The following FBXO8 variants were observed in gnomAD, a reference collection of about 807,000 sequenced individuals.
FBXO8 encodes F-box protein 8.
FBXO8 carries 15 observed loss-of-function variants against 33.4 expected under a neutral mutation model. The observed-to-expected ratio is 0.45, with a 90% CI of 0.30 to 0.69. The LOEUF is 0.69. Ranked by LOEUF, FBXO8 falls within the 30% of genes least tolerant of loss-of-function variation. The probability of loss-of-function intolerance (pLI) is 0.08; values close to 1 mark genes in which losing one functional copy is unlikely to be tolerated. For synonymous variants in FBXO8, 132 were observed against 131.5 expected (o/e 1.00, Z -0.02); for missense variants, 274 against 380.3 (o/e 0.72, Z 2.32).
rs538006793 is a variant in FBXO8 at position 174,268,716 on chromosome 4, G to A, written c.-8-5616C>T. Among the ~76,000 whole-genome samples the A allele has an allele frequency of 2.5e-3, 375 of 152,302 alleles. 1 individual carries two copies. Among genetic ancestry groups the A allele is most frequent in the Middle Eastern group, 3.4e-3 (1 of 294 alleles). On this transcript the variant is annotated intron_variant, in intron 1 of 5. Transcript: ENST00000393674. Reference sequence around the variant, plus strand: ...CTCCCAAAGTGCTGGGATTACAGGCGTGAGCCACCGCGCCCGGCCGGGGGC... The same window carrying A: ...CTCCCAAAGTGCTGGGATTACAGGCATGAGCCACCGCGCCCGGCCGGGGGC...
In FBXO8 at chr4:174,256,953, T is replaced by C. The variant is rs979733260; in HGVS notation, c.456+2746A>G. 6.6e-6 allele frequency among the ~76,000 whole-genome samples: 1 copy of C among 151,990 alleles called. No homozygotes were observed. The highest frequency in any genetic ancestry group is 2.4e-5 in the African/African-American group (1 of 41,410). On this transcript the variant is annotated intron_variant, in intron 3 of 5. Transcript: ENST00000393674. The surrounding 1 kb of genome is among the most constrained non-coding windows in gnomAD (Gnocchi z 4.6). Reference sequence around the variant, plus strand: ...AAATACAGCCAACTCTCAATAACAATGGAAGGTAGGATAGATAAGTAAAAT... The same window carrying C: ...AAATACAGCCAACTCTCAATAACAACGGAAGGTAGGATAGATAAGTAAAAT...
chr4:174,237,751 C>T lies in FBXO8; in HGVS notation c.773-152G>A. On this transcript the variant is annotated intron_variant, in intron 5 of 5. Coordinates refer to ENST00000393674, the MANE Select transcript of FBXO8 (RefSeq NM_012180.3). This position sits in a 1 kb window ranked among gnomAD's most constrained non-coding sequence, Gnocchi z 4.4. ...CAATCCATCCCAGTTTGTCTAGACT[C>T]TTCCCAGTTTTGCACTGAAAGTCCT... 1.5e-6 allele frequency: 1 copy of T among 679,332 alleles called. No individual in the cohort carries two copies. The highest frequency in any genetic ancestry group is 2.3e-5 in the South Asian group (1 of 42,572). The allele number at this position is 679,332 out of a possible 1,614,324, so 42.1% of individuals were successfully genotyped here. A position where few individuals can be genotyped will look rare whatever the true frequency, so the allele number is the denominator to read the frequency against.
chr4:174,237,447 C>A lies in FBXO8; in HGVS notation c.925G>T (p.Asp309Tyr). Reference protein sequence around the residue: ...ISEDFVGHLYDNIYLIGHVAA With the variant: ...ISEDFVGHLYYNIYLIGHVAA ...ACATGGCCAATAAGGTAGATATTGT[C>A]ATAAAGATGCCCTACAAAATCTTCA... Residue 309 changes from aspartate (D) to tyrosine (Y), a missense_variant, in exon 6 of 6, where the codon GAC (aspartate) becomes TAC (tyrosine). By Grantham distance (160) the Asp-to-Tyr change is radical (BLOSUM62 -3). Coordinates refer to ENST00000393674, the MANE Select transcript of FBXO8 (RefSeq NM_012180.3). This position sits in a 1 kb window ranked among gnomAD's most constrained non-coding sequence, Gnocchi z 4.4. 6.2e-7 allele frequency: 1 copy of A among 1,613,572 alleles called. No homozygotes were observed. The highest frequency in any genetic ancestry group is 1.1e-5 in the South Asian group (1 of 91,032).
chr4:174,238,321 C>T (rs1002392221), intron 5 of FBXO8, among the ~76,000 whole-genome samples: 8 of 151,860 alleles, frequency 5.3e-5, no homozygotes, highest in African/African-American at 1.9e-4. Flanking sequence ...TACTATAGTG[C>T]TGATATTTCG....
chr4:174,251,159 AGG>A lies in FBXO8; in HGVS notation c.456+8538_456+8539del, dbSNP rs1393677256. ...TATTAAAAATTTAAAAATGTATCCT[AGG>A]ATGAAGACATTTTCCACTAATTTCA... On this transcript the variant is annotated intron_variant, in intron 3 of 5. Coordinates refer to ENST00000393674, the MANE Select transcript of FBXO8 (RefSeq NM_012180.3). This position sits in a 1 kb window ranked among gnomAD's most constrained non-coding sequence, Gnocchi z 4.2. 9.2e-5 allele frequency among the ~76,000 whole-genome samples: 14 copies of A among 152,284 alleles called. No homozygotes were observed. Among genetic ancestry groups the A allele is most frequent in the African/African-American group, 2.9e-4 (12 of 41,574 alleles).
chr4:174,246,870 A>G (rs2126419461), intron 3 of FBXO8, among the ~76,000 whole-genome samples: 1 of 152,144 alleles, frequency 6.6e-6, no homozygotes, highest in South Asian at 2.1e-4. Context: ...TCTGGGGAGC[A>G]TTGGAAAAGA....
chr4:174,282,546 C>CTGAAACCT (rs1457880622), intron 1 of FBXO8, among the ~76,000 whole-genome samples: 5 of 152,136 alleles, frequency 3.3e-5, no homozygotes, highest in Admixed American at 2.6e-4. Flanking sequence ...TACTCTGTTT[C>CTGAAACCT]ACATATCATT....
At position 174,262,206 on chromosome 4, in the gene FBXO8, T is replaced by C. The variant is rs1016932791; in HGVS notation, c.329+558A>G. ...TGCTTTCTAATATTTGCCTACTTCA[T>C]TGAAATGCTGGTTAGAAAAAAAAAG... On this transcript the variant is annotated intron_variant, in intron 2 of 5. Transcript: ENST00000393674. The surrounding 1 kb of genome is among the most constrained non-coding windows in gnomAD (Gnocchi z 4.6). 1.1e-4 allele frequency among the ~76,000 whole-genome samples: 17 copies of C among 152,160 alleles called. No individual in the cohort carries two copies. Among genetic ancestry groups the C allele is most frequent in the African/African-American group, 3.6e-4 (15 of 41,454 alleles).
chr4:174,262,696 T>G lies in FBXO8; in HGVS notation c.329+68A>C. Reference sequence around the variant, plus strand: ...AGAAAATATTTTGTAATATACATTATAAAAAGAACATTGAAGCATGATTAT... The same window carrying G: ...AGAAAATATTTTGTAATATACATTAGAAAAAGAACATTGAAGCATGATTAT... On this transcript the variant is annotated intron_variant, in intron 2 of 5. Transcript: ENST00000393674. The surrounding 1 kb of genome is among the most constrained non-coding windows in gnomAD (Gnocchi z 4.6). 2 of 1,343,180 alleles carry G rather than the reference T, an allele frequency of 1.5e-6. No homozygotes were observed. Among genetic ancestry groups the G allele is most frequent in the East Asian group, 4.8e-5 (2 of 41,642 alleles). The allele number at this position is 1,343,180 out of a possible 1,614,324, so 83.2% of individuals were successfully genotyped here. A position where few individuals can be genotyped will look rare whatever the true frequency, so the allele number is the denominator to read the frequency against.
At chr4:174,244,484 C>A (rs546712215) in intron 3 of FBXO8, among the ~76,000 whole-genome samples, 1 of 151,534 alleles carries the variant, frequency 6.6e-6, no homozygotes, top group Non-Finnish European at 1.5e-5. Flanking sequence ...TAAATTTGAC[C>A]GTTTAATCTA....
rs1320128034 is a variant in FBXO8 at position 174,270,451 on chromosome 4, T to A, written c.-8-7351A>T. ...GCAAACAGCCACTATCACCCCTATA[T>A]GATCTGTTGTCCTCCCACCTGCTAA... On this transcript the variant is annotated intron_variant, in intron 1 of 5. Transcript: ENST00000393674. The surrounding 1 kb of genome is among the most constrained non-coding windows in gnomAD (Gnocchi z 4.6). 1.3e-5 allele frequency among the ~76,000 whole-genome samples: 2 copies of A among 152,142 alleles called. No individual in the cohort carries two copies. The highest frequency in any genetic ancestry group is 4.8e-5 in the African/African-American group (2 of 41,442).
At position 174,267,881 on chromosome 4, in the gene FBXO8, CA is replaced by C. The variant is rs971261829; in HGVS notation, c.-8-4782del. Among the ~76,000 whole-genome samples, 44 of 151,660 alleles carry C rather than the reference CA, an allele frequency of 2.9e-4. No homozygotes were observed. The highest frequency in any genetic ancestry group is 9.5e-4 in the African/African-American group (39 of 41,260). The stretch of plus-strand genomic sequence containing the variant: ...CTGAATATGCAAAAAGTTTCAAATT[CA>C]AAAAAAATTCAACACAAAATAAGTT... On this transcript the variant is annotated intron_variant, in intron 1 of 5. Transcript: ENST00000393674. The surrounding 1 kb of genome is among the most constrained non-coding windows in gnomAD (Gnocchi z 4.7).
In FBXO8 at chr4:174,262,690, A is replaced by G. The variant is rs12499321; in HGVS notation, c.329+74T>C. 9 of 1,281,380 alleles carry G rather than the reference A, an allele frequency of 7.0e-6. No individual in the cohort carries two copies. In the South Asian group the frequency reaches 1.1e-4, roughly 16 times the overall value. The allele number at this position is 1,281,380 out of a possible 1,614,324, so 79.4% of individuals were successfully genotyped here. A position where few individuals can be genotyped will look rare whatever the true frequency, so the allele number is the denominator to read the frequency against. On this transcript the variant is annotated intron_variant, in intron 2 of 5. Transcript: ENST00000393674. This position sits in a 1 kb window ranked among gnomAD's most constrained non-coding sequence, Gnocchi z 4.6. Reference sequence around the variant, plus strand: ...GTTTAAAGAAAATATTTTGTAATATACATTATAAAAAGAACATTGAAGCAT... The same window carrying G: ...GTTTAAAGAAAATATTTTGTAATATGCATTATAAAAAGAACATTGAAGCAT...
rs190873912 is a variant in FBXO8 at position 174,277,261 on chromosome 4, G to C, written c.-9+6149C>G. On this transcript the variant is annotated intron_variant, in intron 1 of 5. Coordinates refer to ENST00000393674, the MANE Select transcript of FBXO8 (RefSeq NM_012180.3). The surrounding 1 kb of genome is among the most constrained non-coding windows in gnomAD (Gnocchi z 4.9). The stretch of plus-strand genomic sequence containing the variant: ...GTTTTGTTTCCTATTCAAAATAGTA[G>C]ACTATTTCTTAAAAAGACTAAAATA... 4.6e-5 allele frequency among the ~76,000 whole-genome samples: 7 copies of C among 152,166 alleles called. No individual in the cohort carries two copies. In the East Asian group the frequency reaches 5.8e-4, roughly 13 times the overall value.
chr4:174,268,721 C>G (rs62335800), intron 1 of FBXO8, among the ~76,000 whole-genome samples: 31,014 of 152,188 alleles, frequency 0.2, 3,622 homozygotes, highest in South Asian at 0.4. Flanking sequence ...CAGGCGTGAG[C>G]CACCGCGCCC....
In FBXO8 at chr4:174,270,282, G is replaced by A. The variant is rs913787555; in HGVS notation, c.-8-7182C>T. ...TCTGTTCCTAAAGTCCTATGCTGCT[G>A]TGGCACAGTAGCTGGGAAGACGTAA... On this transcript the variant is annotated intron_variant, in intron 1 of 5. Transcript: ENST00000393674. The surrounding 1 kb of genome is among the most constrained non-coding windows in gnomAD (Gnocchi z 4.6). 1.3e-5 allele frequency among the ~76,000 whole-genome samples: 2 copies of A among 152,192 alleles called. No individual in the cohort carries two copies. The highest frequency in any genetic ancestry group is 4.8e-5 in the African/African-American group (2 of 41,444).
In FBXO8 at chr4:174,263,728, TTTG is replaced by T. The variant is rs1193470229; in HGVS notation, c.-8-631_-8-629del. Among the ~76,000 whole-genome samples, 1 of 152,174 alleles carries T rather than the reference TTTG, an allele frequency of 6.6e-6. No individual in the cohort carries two copies. The highest frequency in any genetic ancestry group is 2.4e-5 in the African/African-American group (1 of 41,440). ...GCTCGGTAACAGTAGACTATTTAGT[TTTG>T]TTGTTGCCTTAAATTAAAAATTGTA... On this transcript the variant is annotated intron_variant, in intron 1 of 5. Transcript: ENST00000393674. The surrounding 1 kb of genome is among the most constrained non-coding windows in gnomAD (Gnocchi z 4.2).
At chr4:174,249,510 A>G (rs1396485630) in intron 3 of FBXO8, among the ~76,000 whole-genome samples, 1 of 151,968 alleles carries the variant, frequency 6.6e-6, no homozygotes. Context: ...ACCCATAAAT[A>G]CTAGTTTTAT....
intron 3 of FBXO8, among the ~76,000 whole-genome samples, chr4:174,248,261 C>A (rs1424106464): frequency 1.3e-5 from 2 of 151,926 alleles, no homozygotes; most frequent in African/African-American, 4.8e-5. Context: ...TATTAAGCTG[C>A]CTATAAATAT....
Sources: allele counts gnomAD v4.1 joint callset (sites outside exome capture counted in the v4.1 genomes callset), GRCh38; gene constraint gnomAD v4.1.1; non-coding constraint Gnocchi (gnomAD v3.1); transcripts MANE v1.5; gene names NCBI Gene and HGNC (gene_info 2026-07-23, HGNC 2026-07-21).